The following SCFD1 variants were observed in gnomAD, a reference collection of about 807,000 sequenced individuals.
SCFD1 encodes sec1 family domain containing 1, also known as sec1 family domain-containing protein 1.
A neutral mutation model predicts 103.2 loss-of-function variants in SCFD1; 37 were observed. That is an observed-to-expected ratio of 0.36 (90% CI 0.28 to 0.47). The LOEUF (loss-of-function observed/expected upper bound fraction) is 0.47. Among genes scored for constraint, SCFD1 ranks in the 20% least tolerant of loss-of-function variants. The probability of loss-of-function intolerance (pLI) is 1.00; values close to 1 mark genes in which losing one functional copy is unlikely to be tolerated. For missense variants in SCFD1, 639 were observed against 761.2 expected (o/e 0.84, Z 1.89); for synonymous variants, 264 against 245.0 (o/e 1.08, Z -0.73).
chr14:30,706,072 T>C (rs1040704028), intron 18 of SCFD1, among the ~76,000 whole-genome samples, 187 bp downstream of exon 18: 7 of 152,174 alleles, frequency 4.6e-5, no homozygotes, highest in African/African-American at 1.7e-4. Flanking sequence ...CATTGACATT[T>C]AATAATTGTA....
intron 19 of SCFD1, among the ~76,000 whole-genome samples, chr14:30,711,657 A>G (rs1457595078): frequency 6.6e-6 from 1 of 152,228 alleles, no homozygotes; most frequent in Non-Finnish European, 1.5e-5. Flanking sequence ...GTCATACCTC[A>G]GTGAATCTGC....
chr14:30,666,226 A>C (rs994601830), intron 10 of SCFD1, among the ~76,000 whole-genome samples: 2 of 152,230 alleles, frequency 1.3e-5, no homozygotes, highest in African/African-American at 4.8e-5. Context: ...CAGTGCAATC[A>C]AACTAGAACT....
chr14:30,668,169 G>GCATGGTACTGGTACC (rs1566614935), intron 10 of SCFD1, among the ~76,000 whole-genome samples: 12 of 151,958 alleles, frequency 7.9e-5, no homozygotes, highest in African/African-American at 2.7e-4. Flanking sequence ...CTACAGTAAC[G>GCATGGTACTGGTACC]AAAACAGCAT....
At chr14:30,631,615 A>C (rs562213818) in intron 3 of SCFD1, among the ~76,000 whole-genome samples, 1 of 152,220 alleles carries the variant, frequency 6.6e-6, no homozygotes, top group African/African-American at 2.4e-5. Context: ...TTAAGTGACT[A>C]TGAAGTAATG....
chr14:30,735,680 G>A lies in SCFD1; in HGVS notation c.*71G>A. 8.8e-7 allele frequency: 1 copy of A among 1,132,034 alleles called. No individual in the cohort carries two copies. The highest frequency in any genetic ancestry group is 1.3e-6 in the Non-Finnish European group (1 of 768,024). 70.1% of individuals were successfully genotyped at this position (1,132,034 alleles called of 1,614,324 possible). Reference sequence around the variant, plus strand: ...TGTAAAAAGAAGAAAAGTTAGAAGAGCAATATGTTTCCTTCTCTGTAACAG... The same window carrying A: ...TGTAAAAAGAAGAAAAGTTAGAAGAACAATATGTTTCCTTCTCTGTAACAG... On this transcript the variant is annotated 3_prime_UTR_variant, in exon 25 of 25. Transcript: ENST00000458591.
intron 1 of SCFD1, among the ~76,000 whole-genome samples, chr14:30,623,549 T>C (rs1883076757): frequency 6.6e-6 from 1 of 152,210 alleles, no homozygotes; most frequent in Non-Finnish European, 1.5e-5. Flanking sequence ...TGTATATGTT[T>C]AAACAAATGG....
chr14:30,696,384 G>A (rs538106118), intron 15 of SCFD1, among the ~76,000 whole-genome samples: 1 of 152,186 alleles, frequency 6.6e-6, no homozygotes, highest in East Asian at 1.9e-4. Flanking sequence ...AGTAACTTTC[G>A]AGTAAAGTTG....
chr14:30,732,624 C>T (rs936291455), intron 23 of SCFD1, among the ~76,000 whole-genome samples: 4 of 152,128 alleles, frequency 2.6e-5, no homozygotes, highest in African/African-American at 7.2e-5. Flanking sequence ...AGTACAGTCT[C>T]GTAGTATGAA....
intron 14 of SCFD1, among the ~76,000 whole-genome samples, chr14:30,691,617 G>T (rs76968110): frequency 6.6e-6 from 1 of 152,124 alleles, no homozygotes; most frequent in African/African-American, 2.4e-5. Context: ...TGTAACTCAC[G>T]TACTTTGCAA....
intron 23 of SCFD1, among the ~76,000 whole-genome samples, chr14:30,733,301 C>A (rs1893614173): frequency 6.6e-6 from 1 of 152,150 alleles, no homozygotes; most frequent in African/African-American, 2.4e-5. Context: ...AGCCACTGCG[C>A]CCAGCCCATA....
chr14:30,690,783 C>G (rs927040593), intron 14 of SCFD1, among the ~76,000 whole-genome samples: 1 of 152,244 alleles, frequency 6.6e-6, no homozygotes, highest in East Asian at 1.9e-4. Flanking sequence ...GCGTCGCTCA[C>G]GCTGGGAGCT....
intron 1 of SCFD1, among the ~76,000 whole-genome samples, chr14:30,625,578 T>C (rs1883307863): frequency 6.6e-6 from 1 of 151,442 alleles, no homozygotes; most frequent in African/African-American, 2.4e-5. Context: ...GGCCGTGTAC[T>C]CCATTAACAA....
At chr14:30,635,577 C>G (rs549868483) in intron 4 of SCFD1, among the ~76,000 whole-genome samples, 1 of 152,292 alleles carries the variant, frequency 6.6e-6, no homozygotes, top group East Asian at 1.9e-4. Flanking sequence ...CATATTGTAG[C>G]ATGAATTGGT....
At chr14:30,682,624 C>A (rs1889578913) in intron 14 of SCFD1, among the ~76,000 whole-genome samples, 1 of 152,142 alleles carries the variant, frequency 6.6e-6, no homozygotes, top group African/African-American at 2.4e-5. Context: ...AACAAGCAGT[C>A]TCAAGGAGTT....
intron 23 of SCFD1, among the ~76,000 whole-genome samples, chr14:30,729,647 T>G (rs959800731): frequency 1.3e-5 from 2 of 152,224 alleles, no homozygotes; most frequent in African/African-American, 2.4e-5. Flanking sequence ...CTTTATTGTT[T>G]AGGCTTTTCT....
chr14:30,655,309 G>A (rs1886794695), intron 10 of SCFD1, among the ~76,000 whole-genome samples: 1 of 152,122 alleles, frequency 6.6e-6, no homozygotes, highest in Admixed American at 6.5e-5. Flanking sequence ...TTGGAAAATG[G>A]CAGGGCAGCC....
intron 8 of SCFD1, 102 bp from the exon 9 acceptor site, chr14:30,650,461 GAA>G: frequency 1.4e-6 from 1 of 695,846 alleles, no homozygotes; most frequent in Non-Finnish European, 2.5e-6. Flanking sequence ...TATTTGTAAA[GAA>G]ATTCCAGGTT....
At chr14:30,698,370 T>C (rs1890840342) in intron 15 of SCFD1, among the ~76,000 whole-genome samples, 1 of 152,198 alleles carries the variant, frequency 6.6e-6, no homozygotes, top group Non-Finnish European at 1.5e-5. Context: ...TAGCATCAGA[T>C]TGGTCTTTAA....
chr14:30,628,342 G>C, intron 2 of SCFD1, 63 bp downstream of exon 2: 1 of 1,055,820 alleles, frequency 9.5e-7, no homozygotes, highest in South Asian at 1.4e-5. Context: ...GTGGTAATTG[G>C]AGGGAATTTA....
Sources: gnomAD v4.1 joint callset for allele counts (sites outside exome capture counted in the v4.1 genomes callset) on GRCh38, gnomAD v4.1.1 for gene constraint, MANE v1.5 for transcripts, NCBI Gene and HGNC (gene_info 2026-07-23, HGNC 2026-07-21) for gene names.